The following PLCH1 variants were observed in gnomAD, a reference collection of about 807,000 sequenced individuals.
PLCH1 encodes 1-phosphatidylinositol 4,5-bisphosphate phosphodiesterase eta-1.
A neutral mutation model predicts 126.7 loss-of-function variants in PLCH1; 60 were observed. That is an observed-to-expected ratio of 0.47 (90% CI 0.38 to 0.59). PLCH1 has a LOEUF of 0.59. Ranked by LOEUF, PLCH1 falls within the 20% of genes least tolerant of loss-of-function variation. PLCH1 has a pLI of 0.00. For synonymous variants in PLCH1, 719 were observed against 734.9 expected, an observed-to-expected ratio of 0.98 and a Z score of 0.35; for missense variants, 1,723 against 2,040.0, an observed-to-expected ratio of 0.84 and a Z score of 2.99.
rs1321539347 is a variant in PLCH1 at position 155,578,926 on chromosome 3, A to T, written c.771+4546T>A. On this transcript the variant is annotated intron_variant, in intron 6 of 22. Coordinates refer to ENST00000460012, the MANE Select transcript of PLCH1 (RefSeq NM_014996.4). ...TAAAGTGACCATCAGCACCTTCCCA[A>T]TACCCAGAGGAAAGGAGCAAAAGAC... Among the ~76,000 whole-genome samples the T allele has an allele frequency of 2.0e-5, 3 of 152,260 alleles. No individual in the cohort carries two copies. The East Asian group carries it at 5.8e-4, about 29-fold the overall frequency.
At chr3:155,720,829 A>G (rs1747894752) in intron 1 of PLCH1, among the ~76,000 whole-genome samples, 1 of 152,154 alleles carries the variant, frequency 6.6e-6, no homozygotes, top group South Asian at 2.1e-4. Context: ...TTCCAATGTT[A>G]TCTTCCAGAA....
chr3:155,733,431 T>C (rs1451469555), intron 1 of PLCH1, among the ~76,000 whole-genome samples: 2 of 152,110 alleles, frequency 1.3e-5, no homozygotes, highest in African/African-American at 4.8e-5. Context: ...TTGTGGTCAA[T>C]TGATTTTCAA....
chr3:155,628,428 C>A (rs1369084855), intron 2 of PLCH1, among the ~76,000 whole-genome samples: 121 of 150,638 alleles, frequency 8.0e-4, no homozygotes, highest in Non-Finnish European at 3.1e-4. Context: ...AGCAAACAAG[C>A]CTTGCTAAGT....
At chr3:155,722,232 C>T (rs1577368365) in intron 1 of PLCH1, among the ~76,000 whole-genome samples, 2 of 151,900 alleles carry the variant, frequency 1.3e-5, no homozygotes, top group South Asian at 4.2e-4. Flanking sequence ...GACGTGATCT[C>T]GGCTCACCGC....
intron 2 of PLCH1, among the ~76,000 whole-genome samples, chr3:155,696,640 A>G (rs912188302): frequency 3.3e-5 from 5 of 152,246 alleles, no homozygotes; most frequent in Non-Finnish European, 7.3e-5. Flanking sequence ...AATAATTCTC[A>G]GAAGTAACCA....
chr3:155,698,785 G>A (rs902616094), intron 2 of PLCH1, among the ~76,000 whole-genome samples: 1 of 152,108 alleles, frequency 6.6e-6, no homozygotes, highest in African/African-American at 2.4e-5. Flanking sequence ...CCACCTGCAA[G>A]ATACACCTGA....
At chr3:155,483,082 A>G in intron 22 of PLCH1, 31 bp from the exon 23 acceptor site, 1 of 1,589,020 alleles carries the variant, frequency 6.3e-7, no homozygotes, top group South Asian at 1.1e-5. Flanking sequence ...TTTAGGTGAC[A>G]TCTATCACTT....
intron 1 of PLCH1, among the ~76,000 whole-genome samples, chr3:155,727,634 C>CCCAAA (rs1432132518): frequency 6.6e-6 from 1 of 152,006 alleles, no homozygotes; most frequent in Non-Finnish European, 1.5e-5. Flanking sequence ...GTGATCCGCC[C>CCCAAA]GTCTCGGCCT....
intron 21 of PLCH1, among the ~76,000 whole-genome samples, chr3:155,459,592 A>G (rs1323638120): frequency 6.6e-6 from 1 of 152,176 alleles, no homozygotes; most frequent in African/African-American, 2.4e-5. Context: ...CAGAGGCTCA[A>G]GAAAGGGGGA....
In PLCH1 at chr3:155,637,834, CATTCCACCTCAAAATGT is replaced by C. The variant is rs1354671018; in HGVS notation, c.80-41473_80-41457del. Among the ~76,000 whole-genome samples, 6 of 152,316 alleles carry C rather than the reference CATTCCACCTCAAAATGT, an allele frequency of 3.9e-5. No individual in the cohort carries two copies. In the South Asian group the frequency reaches 6.2e-4, roughly 16 times the overall value. The stretch of plus-strand genomic sequence containing the variant: ...TTCAAATCACCAACTGCAAAGACAA[CATTCCACCTCAAAATGT>C]ATTCAAAGTGGGCTCTTGAATTGCG... On this transcript the variant is annotated intron_variant, in intron 2 of 22. Transcript: ENST00000460012.
chr3:155,734,174 A>G (rs963045939), intron 1 of PLCH1, among the ~76,000 whole-genome samples: 1 of 151,994 alleles, frequency 6.6e-6, no homozygotes, highest in African/African-American at 2.4e-5. Flanking sequence ...AAAATCAAAA[A>G]TAGGACAGGC....
intron 12 of PLCH1, among the ~76,000 whole-genome samples, chr3:155,511,362 A>G (rs1195319099): frequency 5.4e-5 from 7 of 128,822 alleles, no homozygotes; most frequent in Non-Finnish European, 1.1e-4. Flanking sequence ...GCTCGTCAAA[A>G]TCATTCTCCA....
chr3:155,706,615 CAAA>C (rs56707638), intron 1 of PLCH1, among the ~76,000 whole-genome samples: 14 of 138,154 alleles, frequency 1.0e-4, no homozygotes, highest in East Asian at 6.2e-4. Flanking sequence ...GACTCCGTCT[CAAA>C]AAAAAAAAAA....
chr3:155,500,171 A>G (rs1717681816), intron 14 of PLCH1, among the ~76,000 whole-genome samples: 1 of 152,212 alleles, frequency 6.6e-6, no homozygotes. Context: ...TACTGGCAAT[A>G]AAGCAAACAA....
chr3:155,597,910 G>A (rs367866207), intron 2 of PLCH1, among the ~76,000 whole-genome samples: 56 of 152,222 alleles, frequency 3.7e-4, no homozygotes, highest in South Asian at 2.3e-3. Context: ...AAGGCTGGGC[G>A]CGGTGGCTCA....
intron 2 of PLCH1, among the ~76,000 whole-genome samples, chr3:155,620,399 A>G (rs887432010): frequency 9.2e-5 from 14 of 152,182 alleles, no homozygotes; most frequent in African/African-American, 3.4e-4. Context: ...AGATTACCCT[A>G]TGATTGGTGT....
intron 19 of PLCH1, 172 bp downstream of exon 19, chr3:155,490,612 G>A (rs368045930): frequency 2.5e-5 from 12 of 475,088 alleles, no homozygotes; most frequent in Admixed American, 1.2e-4. Context: ...AATAAGCCAC[G>A]CATCAATTCC....
intron 1 of PLCH1, among the ~76,000 whole-genome samples, chr3:155,734,919 C>T (rs1749055853): frequency 6.6e-6 from 1 of 152,068 alleles, no homozygotes; most frequent in Admixed American, 6.5e-5. Flanking sequence ...CCATATTAGC[C>T]AGGATGGTCT....
chr3:155,621,292 C>T (rs555063662), intron 2 of PLCH1, among the ~76,000 whole-genome samples: 77 of 152,320 alleles, frequency 5.1e-4, no homozygotes, highest in Non-Finnish European at 9.3e-4. Flanking sequence ...TAGATAAATA[C>T]ATGAACAGGG....
Sources: allele counts gnomAD v4.1 joint callset (sites outside exome capture counted in the v4.1 genomes callset), GRCh38; gene constraint gnomAD v4.1.1; transcripts MANE v1.5; gene names NCBI Gene and HGNC (gene_info 2026-07-23, HGNC 2026-07-21).